TBC1D3B: variants seen among roughly 807,000 people sequenced by gnomAD.
TBC1D3B encodes TBC1 domain family member 3B, also known as Rab GTPase-activating protein PRC17 duplicate.
Under a neutral mutation model 27.1 loss-of-function variants are expected in TBC1D3B, and 2 were observed. The observed-to-expected ratio is 0.07, with a 90% confidence interval of 0.03 to 0.23. TBC1D3B has a LOEUF of 0.23. Among genes scored for constraint, TBC1D3B ranks in the 10% least tolerant of loss-of-function variants. The probability of loss-of-function intolerance (pLI) is 1.00; values close to 1 mark genes in which losing one functional copy is unlikely to be tolerated. For synonymous variants in TBC1D3B, 3 were observed against 150.1 expected, an observed-to-expected ratio of 0.02 and a Z score of 7.16; for missense variants, 17 against 401.3, an observed-to-expected ratio of 0.04 and a Z score of 8.18.
chr17:36,171,544 A>G (rs1231415922), intron 7 of TBC1D3B, among the ~76,000 whole-genome samples: 1 of 150,706 alleles, frequency 6.6e-6, no homozygotes, highest in Non-Finnish European at 1.5e-5. Flanking sequence ...CTATCCTGCC[A>G]CCCTCCCGTG....
rs1411286847 is a variant in TBC1D3B at position 36,169,530 on chromosome 17, T to G, written c.668-356A>C. ...ATGGGGAGATGCTGCCACCTGGGCT[T>G]GGTCGGCCCATTCGTGGGCACCGAT... On this transcript the variant is annotated intron_variant, in intron 9 of 13. Transcript: ENST00000611257. 1.9e-3 allele frequency among the ~76,000 whole-genome samples: 277 copies of G among 149,026 alleles called. 10 individuals are homozygous for G. Among genetic ancestry groups the G allele is most frequent in the Non-Finnish European group, 3.5e-3 (230 of 65,874 alleles).
intron 7 of TBC1D3B, among the ~76,000 whole-genome samples, chr17:36,171,447 C>T (rs2068353847): frequency 6.6e-6 from 1 of 150,974 alleles, no homozygotes; most frequent in Admixed American, 6.6e-5. Context: ...GTCATGTTCC[C>T]AGCGGACCTG....
rs1189344904 is a variant in TBC1D3B at position 36,168,460 on chromosome 17, C to T, written c.828+170G>A. On this transcript the variant is annotated intron_variant, in intron 11 of 13. Transcript: ENST00000611257. Reference sequence around the variant, plus strand: ...CCATGAGGCTGGGCCTGAGCCCCAGCCATTGCCCTGGGATGACTCCTCTTG... The same window carrying T: ...CCATGAGGCTGGGCCTGAGCCCCAGTCATTGCCCTGGGATGACTCCTCTTG... Among the ~76,000 whole-genome samples, 9 of 59,666 alleles carry T rather than the reference C, an allele frequency of 1.5e-4. 2 individuals carry two copies. The highest frequency in any genetic ancestry group is 4.3e-4 in the African/African-American group (9 of 20,930). The allele number at this position is 59,666 out of a possible 152,430, so 39.1% of individuals were successfully genotyped here.
intron 9 of TBC1D3B, among the ~76,000 whole-genome samples, chr17:36,169,442 C>G (rs1388954855): frequency 6.7e-6 from 1 of 149,720 alleles, no homozygotes; most frequent in East Asian, 1.9e-4. Context: ...GTGGCCGGAA[C>G]TGGGTGGGCG....
At chr17:36,167,894 G>GTCCA (rs2068284933) in intron 12 of TBC1D3B, among the ~76,000 whole-genome samples, 173 bp downstream of exon 12, 4 of 111,602 alleles carry the variant, frequency 3.6e-5, no homozygotes, top group African/African-American at 1.0e-4. Context: ...ACTTTCATCT[G>GTCCA]GGTCATGTGA....
At chr17:36,167,110 G>C (rs1471514339) in intron 13 of TBC1D3B, among the ~76,000 whole-genome samples, 1 of 108,256 alleles carries the variant, frequency 9.2e-6, no homozygotes, top group African/African-American at 2.5e-5. Context: ...CGATTCCCTT[G>C]ACTCCCTGGC....
chr17:36,175,031 G>C lies in TBC1D3B; in HGVS notation c.20C>G (p.Ala7Gly), dbSNP rs1415381547. ...TCGCTCTTGTGCCCACCAACTACCC[G>C]CGACCTCTACCACGTCCATCCTGTG... MDVVEV[A>G]GSWWAQERED... The change falls in exon 2 of 14, where the codon GCG becomes GGG. Residue 7 changes from alanine (A) to glycine (G), a missense_variant. Physicochemically the swap from Ala to Gly is moderately conservative, Grantham distance 60. Transcript: ENST00000611257. 2.1e-6 allele frequency: 2 copies of C among 931,892 alleles called. 1 individual carries two copies. The highest frequency in any genetic ancestry group is 3.0e-6 in the Non-Finnish European group (2 of 659,304). 57.7% of individuals were successfully genotyped at this position (931,892 alleles called of 1,614,324 possible). A position where few individuals can be genotyped will look rare whatever the true frequency, so the allele number is the denominator to read the frequency against.
At chr17:36,170,864 C>T (rs1362446029) in intron 7 of TBC1D3B, among the ~76,000 whole-genome samples, 11 of 94,538 alleles carry the variant, frequency 1.2e-4, no homozygotes, top group African/African-American at 2.1e-4. Flanking sequence ...TTTGCACACA[C>T]GCCAGTTCAG....
Position 36,165,722 on chromosome 17 carries a change from T to C in TBC1D3B, c.*273A>G, listed in dbSNP as rs551701044. 3.0e-6 allele frequency: 3 copies of C among 994,628 alleles called. No homozygotes were observed. The highest frequency in any genetic ancestry group is 2.3e-5 in the East Asian group (1 of 43,192). 61.6% of individuals were successfully genotyped at this position (994,628 alleles called of 1,614,324 possible). On this transcript the variant is annotated 3_prime_UTR_variant, in exon 14 of 14. Transcript: ENST00000611257. ...ATTTATTTCAAAACGTGAAGGTAGT[T>C]ATCCTTCCATGAGTTTAAAGTACAA... is the stretch of plus-strand genomic sequence containing the variant.
chr17:36,171,294 G>C, intron 7 of TBC1D3B, among the ~76,000 whole-genome samples: 1 of 151,176 alleles, frequency 6.6e-6, no homozygotes, highest in South Asian at 2.1e-4. Flanking sequence ...GAGTCAAGCA[G>C]TGAACCTGGC....
At chr17:36,175,629 T>C (rs1275491302) in intron 1 of TBC1D3B, among the ~76,000 whole-genome samples, 1 of 95,094 alleles carries the variant, frequency 1.1e-5, no homozygotes, top group African/African-American at 3.4e-5. Context: ...ATGAGGAAGA[T>C]CTATTGTACG....
chr17:36,169,609 G>A (rs1358898175), intron 9 of TBC1D3B, among the ~76,000 whole-genome samples: 1 of 137,958 alleles, frequency 7.2e-6, no homozygotes, highest in African/African-American at 2.5e-5. Context: ...GGAGGGGAGA[G>A]TCAGCTGCAC....
At chr17:36,171,497 G>A (rs1239552719) in intron 7 of TBC1D3B, among the ~76,000 whole-genome samples, 1 of 151,330 alleles carries the variant, frequency 6.6e-6, no homozygotes. Flanking sequence ...CCAGCATTTG[G>A]TGCTGTCACT....
Position 36,165,845 on chromosome 17 carries a change from G to C in TBC1D3B, c.*150C>G, listed in dbSNP as rs2068242385. On this transcript the variant is annotated 3_prime_UTR_variant, in exon 14 of 14. Coordinates refer to ENST00000611257, the MANE Select transcript of TBC1D3B (RefSeq NM_001001417.7). Reference sequence around the variant, plus strand: ...TGGTTGGCTTTGTGATCTGGGGTCTGGTGTGTTCCATCTCTGAATGTCTCT... The same window carrying C: ...TGGTTGGCTTTGTGATCTGGGGTCTCGTGTGTTCCATCTCTGAATGTCTCT... 1.1e-6 allele frequency: 1 copy of C among 952,276 alleles called. No homozygotes were observed. The highest frequency in any genetic ancestry group is 1.4e-5 in the African/African-American group (1 of 69,972). 59.0% of individuals were successfully genotyped at this position (952,276 alleles called of 1,614,324 possible). A position where few individuals can be genotyped will look rare whatever the true frequency, so the allele number is the denominator to read the frequency against.
intron 9 of TBC1D3B, among the ~76,000 whole-genome samples, chr17:36,169,394 T>C (rs1331290628): frequency 6.7e-6 from 1 of 148,640 alleles, no homozygotes; most frequent in Non-Finnish European, 1.5e-5. Flanking sequence ...TGGGCCAGGG[T>C]GCAAAAAGGG....
At chr17:36,169,663 C>A in intron 9 of TBC1D3B, among the ~76,000 whole-genome samples, 1 of 112,546 alleles carries the variant, frequency 8.9e-6, no homozygotes, top group South Asian at 3.0e-4. Flanking sequence ...CAGAGGGTGG[C>A]CACGGGGAGG....
Position 36,165,723 on chromosome 17 carries a change from A to T in TBC1D3B, c.*272T>A, listed in dbSNP as rs1466065118. ...TTTATTTCAAAACGTGAAGGTAGTT[A>T]TCCTTCCATGAGTTTAAAGTACAAA... On this transcript the variant is annotated 3_prime_UTR_variant, in exon 14 of 14. Transcript: ENST00000611257. 9 of 993,688 alleles carry T rather than the reference A, an allele frequency of 9.1e-6. No individual in the cohort carries two copies. Among genetic ancestry groups the T allele is most frequent in the South Asian group, 3.2e-5 (2 of 62,618 alleles). The allele number at this position is 993,688 out of a possible 1,614,324, so 61.6% of individuals were successfully genotyped here. A position where few individuals can be genotyped will look rare whatever the true frequency, so the allele number is the denominator to read the frequency against.
At chr17:36,166,800 T>C (rs1481998172) in intron 13 of TBC1D3B, among the ~76,000 whole-genome samples, 1 of 29,548 alleles carries the variant, frequency 3.4e-5, no homozygotes, top group East Asian at 4.9e-4. Context: ...GGGTTCAGAC[T>C]GGCTGGGGGC....
chr17:36,167,155 G>A (rs2081348342), intron 13 of TBC1D3B, among the ~76,000 whole-genome samples: 1 of 102,686 alleles, frequency 9.7e-6, no homozygotes, highest in African/African-American at 2.6e-5. Flanking sequence ...TTGGAGGAGC[G>A]TGCAGGAGTG....
Sources: gnomAD v4.1 joint callset for allele counts (sites outside exome capture counted in the v4.1 genomes callset) on GRCh38, gnomAD v4.1.1 for gene constraint, MANE v1.5 for transcripts, NCBI Gene and HGNC (gene_info 2026-07-23, HGNC 2026-07-21) for gene names.